The following WDR27 variants were observed in gnomAD, a reference collection of about 807,000 sequenced individuals.
WDR27 encodes the protein WD repeat-containing protein 27.
In WDR27, 100 loss-of-function variants were observed where a neutral mutation model predicts 114.4. The observed-to-expected ratio is 0.87, with a 90% CI of 0.74 to 1.03. The LOEUF is 1.03. WDR27 is among the 50% of genes least tolerant of loss of function. The pLI, the probability that WDR27 is intolerant of heterozygous loss-of-function variation, is 0.00. For missense variants in WDR27, 1,129 were observed against 1,092.9 expected (o/e 1.03, Z -0.47); for synonymous variants, 449 against 423.1 (o/e 1.06, Z -0.75).
At position 169,647,822 on chromosome 6, in the gene WDR27, C is replaced by A; in HGVS notation, c.1608G>T (p.Gln536His). 6.3e-7 allele frequency: 1 copy of A among 1,585,090 alleles called. No homozygotes were observed. The highest frequency in any genetic ancestry group is 8.6e-7 in the Non-Finnish European group (1 of 1,166,690). ...ECAVPTKPGP[Q>H]VAAAPTCTRV... ...GTGTGCAGGTGGGGGCGGCAGCGAC[C>A]TGGGGGCCGGGCTTGGTGGGCACAG... Residue 536 changes from glutamine to histidine, a missense_variant, in exon 16 of 26, where the codon CAG becomes CAT. By Grantham distance (24) the Gln-to-His change is conservative (BLOSUM62 0). Coordinates refer to ENST00000448612, the MANE Select transcript of WDR27 (RefSeq NM_182552.5).
intron 25 of WDR27, among the ~76,000 whole-genome samples, chr6:169,515,051 T>C (rs551096807): frequency 2.6e-5 from 4 of 152,044 alleles, no homozygotes; most frequent in Non-Finnish European, 5.9e-5. Flanking sequence ...TTTAAAAGAC[T>C]GATAACACTA....
intron 25 of WDR27, among the ~76,000 whole-genome samples, chr6:169,466,959 C>T (rs924730137): frequency 3.9e-5 from 6 of 152,136 alleles, no homozygotes; most frequent in African/African-American, 1.4e-4. Flanking sequence ...CTTCCCAGAC[C>T]CAATGGGAGT....
intron 25 of WDR27, among the ~76,000 whole-genome samples, chr6:169,571,790 AT>A (rs1419564896): frequency 1.1e-3 from 172 of 152,332 alleles, no homozygotes; most frequent in Non-Finnish European, 2.2e-3. Context: ...GTCAGCCGTG[AT>A]CACACCACTG....
At chr6:169,428,608 A>AGG in the WDR27 span, among the ~76,000 whole-genome samples, 730 of 114,386 alleles carry the variant, frequency 6.4e-3, 6 homozygotes, top group Non-Finnish European at 7.4e-3. Flanking sequence ...GGCGGGGGGG[A>AGG]GGGGGGGGTT....
rs1355791412 is a variant in WDR27, at chr6:169,638,554, C to G, written c.1854G>C (p.Glu618Asp). 6.2e-7 allele frequency: 1 copy of G among 1,611,054 alleles called. No homozygotes were observed. Among genetic ancestry groups the G allele is most frequent in the Non-Finnish European group, 8.5e-7 (1 of 1,179,036 alleles). The part of the protein sequence containing the change: ...TLRMWSARGA[E>D]LALLLGKDMF... ...TGTCCATTACCAGAAGCAGTGCGAG[C>G]TCTGCCCCACGAGCCGACCACATTC... Residue 618 changes from glutamate (E) to aspartate (D), a missense_variant, in exon 18 of 26, where the codon GAG (glutamate) becomes GAC (aspartate). Coordinates refer to ENST00000448612, the MANE Select transcript of WDR27 (RefSeq NM_182552.5).
chr6:169,647,835 T>G lies in WDR27; in HGVS notation c.1595A>C (p.Lys532Thr). The change falls in exon 16 of 26, where the codon AAG becomes ACG. Residue 532 changes from lysine to threonine, a missense_variant. Coordinates refer to ENST00000448612, the MANE Select transcript of WDR27 (RefSeq NM_182552.5). ...GGCGGCAGCGACCTGGGGGCCGGGC[T>G]TGGTGGGCACAGCGCACTCCACGGG... ...AYPVECAVPT[K>T]PGPQVAAAPT... is the part of the protein sequence containing the mutation. 1 of 1,581,880 alleles carries G rather than the reference T, an allele frequency of 6.3e-7. No homozygotes were observed. Among genetic ancestry groups the G allele is most frequent in the Non-Finnish European group, 8.6e-7 (1 of 1,164,764 alleles).
At chr6:169,639,148 G>A (rs1278731721) in intron 17 of WDR27, among the ~76,000 whole-genome samples, 3 of 146,134 alleles carry the variant, frequency 2.1e-5, no homozygotes, top group African/African-American at 7.7e-5. Context: ...GCTGGGTACT[G>A]TGTGGGGCGT....
intron 23 of WDR27, among the ~76,000 whole-genome samples, chr6:169,592,163 T>G (rs954081983): frequency 1.3e-5 from 2 of 151,920 alleles, no homozygotes; most frequent in Admixed American, 6.6e-5. Flanking sequence ...TTTCCGGGGG[T>G]ATTTGGACCA....
chr6:169,610,344 T>C (rs554949194), intron 22 of WDR27, among the ~76,000 whole-genome samples: 41 of 152,180 alleles, frequency 2.7e-4, no homozygotes, highest in Admixed American at 2.4e-3. Flanking sequence ...CAGAAGAAAG[T>C]GGTTTAATTG....
At chr6:169,672,112 T>C (rs1778891129) in intron 3 of WDR27, 143 bp downstream of exon 3, 1 of 805,100 alleles carries the variant, frequency 1.2e-6, no homozygotes, top group Non-Finnish European at 1.9e-6. Flanking sequence ...GGGTTCAAGG[T>C]AAAGAGAGTA....
rs189657536 is a variant in WDR27, at chr6:169,479,893, G to A, written c.2646-22259C>T. ...AGGTGACAATGTGCTAGCAGCCCTC[G>A]CTTGCTCTCGGCACCTCCTCGGCTT... On this transcript the variant is annotated intron_variant, in intron 25 of 25. Coordinates refer to ENST00000448612, the MANE Select transcript of WDR27 (RefSeq NM_182552.5). Among the ~76,000 whole-genome samples, 4 of 152,236 alleles carry A rather than the reference G, an allele frequency of 2.6e-5. No individual in the cohort carries two copies. In the East Asian group the frequency reaches 7.7e-4, roughly 29 times the overall value.
At chr6:169,455,365 C>T (rs1287422665), downstream of WDR27, among the ~76,000 whole-genome samples, 2 of 152,216 alleles carry the variant, frequency 1.3e-5, no homozygotes, top group Non-Finnish European at 2.9e-5. Context: ...GAATTGGAAT[C>T]AAGTGAAAAC....
At chr6:169,538,134 A>G (rs999805004) in intron 25 of WDR27, among the ~76,000 whole-genome samples, 2 of 152,092 alleles carry the variant, frequency 1.3e-5, no homozygotes, top group African/African-American at 4.8e-5. Context: ...ATTAACATTG[A>G]ATATATGTTT....
At chr6:169,636,220 T>C (rs770254278) in intron 19 of WDR27, 151 bp downstream of exon 19, 11 of 917,356 alleles carry the variant, frequency 1.2e-5, no homozygotes, top group Non-Finnish European at 1.6e-5. Flanking sequence ...ATGAGTAGGA[T>C]CTGGATAATT....
At chr6:169,578,108 G>A (rs9371119) in intron 24 of WDR27, among the ~76,000 whole-genome samples, 15,610 of 152,196 alleles carry the variant, frequency 0.1, 1,842 homozygotes, top group East Asian at 0.58. Context: ...TCATCGCTCC[G>A]CAGTGCTGAC....
At position 169,457,554 on chromosome 6, in the gene WDR27, C is replaced by A; in HGVS notation, c.*38G>T. The A allele has an allele frequency of 6.5e-7, 1 of 1,531,042 alleles. No individual in the cohort carries two copies. Among genetic ancestry groups the A allele is most frequent in the Non-Finnish European group, 8.8e-7 (1 of 1,135,708 alleles). The allele number at this position is 1,531,042 out of a possible 1,614,324, so 94.8% of individuals were successfully genotyped here. ...CTTACTTTTAAGTTGTTCCTCACAGCATTCCTGGACCCAGCTCACAGGTCA... is the reference window on the plus strand; with the variant it reads ...CTTACTTTTAAGTTGTTCCTCACAGAATTCCTGGACCCAGCTCACAGGTCA... On this transcript the variant is annotated 3_prime_UTR_variant, in exon 26 of 26. Coordinates refer to ENST00000448612, the MANE Select transcript of WDR27 (RefSeq NM_182552.5).
intron 17 of WDR27, among the ~76,000 whole-genome samples, chr6:169,641,269 G>T (rs1389429513): frequency 6.6e-6 from 1 of 152,220 alleles, no homozygotes; most frequent in African/African-American, 2.4e-5. Context: ...TGCGTGAAGC[G>T]CTGCGGGCCG....
intron 25 of WDR27, among the ~76,000 whole-genome samples, chr6:169,535,334 T>C (rs1197019863): frequency 1.3e-5 from 2 of 152,186 alleles, no homozygotes; most frequent in Non-Finnish European, 2.9e-5. Context: ...TTGCTTGACA[T>C]GTCAGGGCCG....
chr6:169,566,604 A>G (rs1200301602), intron 25 of WDR27, among the ~76,000 whole-genome samples: 1 of 152,220 alleles, frequency 6.6e-6, no homozygotes, highest in Non-Finnish European at 1.5e-5. Flanking sequence ...GTATTTTTGT[A>G]TTGTTTAAAA....
Sources: allele counts gnomAD v4.1 joint callset (sites outside exome capture counted in the v4.1 genomes callset), GRCh38; gene constraint gnomAD v4.1.1; transcripts MANE v1.5; gene names NCBI Gene and HGNC (gene_info 2026-07-23, HGNC 2026-07-21).